The following NAV3 variants were observed in gnomAD, a reference collection of about 807,000 sequenced individuals.
NAV3 encodes the protein neuron navigator 3.
NAV3 carries 87 observed loss-of-function variants against 244.7 expected under a neutral mutation model. That is an observed-to-expected ratio of 0.36 (90% confidence interval 0.30 to 0.42). The LOEUF is 0.42. Among genes scored for constraint, NAV3 ranks in the 20% least tolerant of loss-of-function variants. The pLI, the probability that NAV3 is intolerant of heterozygous loss-of-function variation, is 1.00. For synonymous variants in NAV3, 1,126 were observed against 1,042.2 expected (o/e 1.08, Z -1.55); for missense variants, 2,663 against 2,893.3 (o/e 0.92, Z 1.83).
chr12:77,705,605 C>T (rs955777491), intron 2 of NAV3, among the ~76,000 whole-genome samples: 1 of 151,368 alleles, frequency 6.6e-6, no homozygotes, highest in Non-Finnish European at 1.5e-5. Flanking sequence ...GAGAAAAGGA[C>T]AAAATAAATA....
chr12:77,841,471 T>C (rs762225450), intron 1 of NAV3, among the ~76,000 whole-genome samples: 1 of 152,314 alleles, frequency 6.6e-6, no homozygotes, highest in East Asian at 1.9e-4. Context: ...CTATAACAGA[T>C]AAAACCTAGG....
chr12:77,901,677 G>T (rs1442601623), intron 1 of NAV3, among the ~76,000 whole-genome samples: 3 of 152,166 alleles, frequency 2.0e-5, no homozygotes, highest in African/African-American at 4.8e-5. Flanking sequence ...ACCACCGCCA[G>T]CCTGGGCAAC....
At chr12:77,726,834 A>G (rs1027352912) in intron 2 of NAV3, among the ~76,000 whole-genome samples, 8 of 151,926 alleles carry the variant, frequency 5.3e-5, no homozygotes, top group Admixed American at 5.3e-4. Context: ...AGTGGGACAA[A>G]CTGGCAGGGG....
chr12:77,972,281 A>G (rs1485813318), intron 5 of NAV3, among the ~76,000 whole-genome samples: 2 of 152,214 alleles, frequency 1.3e-5, no homozygotes, highest in African/African-American at 4.8e-5. Context: ...TCAGACTGCC[A>G]GGACCTGGAT....
Position 77,631,791 on chromosome 12 carries a change from G to A in NAV3, c.72+59525G>A, listed in dbSNP as rs149721788. Among the ~76,000 whole-genome samples the A allele has an allele frequency of 8.5e-5, 13 of 152,266 alleles. No homozygotes were observed. The East Asian group carries it at 2.1e-3, about 25-fold the overall frequency. On this transcript the variant is annotated intron_variant, in intron 2 of 8. Transcript: ENST00000550042. ...ACAATTCAGCTTCATAGAAGGGAGA[G>A]ACACTGGGGCACAGAGAGGTCAAGC...
intron 2 of NAV3, among the ~76,000 whole-genome samples, chr12:77,596,663 A>G (rs184808264): frequency 2.0e-5 from 3 of 152,308 alleles, no homozygotes; most frequent in Admixed American, 1.3e-4. Context: ...AAAGAACAAG[A>G]GAGAAAAACA....
chr12:78,194,085 G>T (rs1959098037), intron 34 of NAV3, among the ~76,000 whole-genome samples: 1 of 151,832 alleles, frequency 6.6e-6, no homozygotes, highest in Non-Finnish European at 1.5e-5. Flanking sequence ...GACTCTTGTG[G>T]CTTCAACTTG....
intron 2 of NAV3, among the ~76,000 whole-genome samples, chr12:77,617,601 G>A (rs1871191231): frequency 6.6e-6 from 1 of 152,184 alleles, no homozygotes; most frequent in African/African-American, 2.4e-5. Context: ...ATGATTTCAG[G>A]GCGGCCAAGC....
At chr12:78,036,566 C>T (rs544527570) in intron 9 of NAV3, 131 of 249,116 alleles carry the variant, frequency 5.3e-4, no homozygotes, top group African/African-American at 2.7e-3. Context: ...GACGGGCAAA[C>T]GTAGTTGGCT....
intron 2 of NAV3, among the ~76,000 whole-genome samples, chr12:77,669,610 A>G (rs999569172): frequency 6.6e-6 from 1 of 152,156 alleles, no homozygotes; most frequent in East Asian, 1.9e-4. Context: ...ACAAAGAGGG[A>G]TGTTTTATAA....
chr12:77,950,229 C>T lies in NAV3; in HGVS notation c.414+9096C>T, dbSNP rs185614976. 3.0e-4 allele frequency among the ~76,000 whole-genome samples: 45 copies of T among 152,088 alleles called. 1 individual carries two copies. The highest frequency in any genetic ancestry group is 6.8e-3 in the Middle Eastern group (2 of 294). ...ACATTTGTTTAGTTTTATAAGAAAC[C>T]ACCAAACTGTCTTCCAAAGTGTTTT... On this transcript the variant is annotated intron_variant, in intron 3 of 39. Transcript: ENST00000397909.
chr12:78,079,858 TA>T (rs1482887662), intron 12 of NAV3, among the ~76,000 whole-genome samples: 1 of 152,136 alleles, frequency 6.6e-6, no homozygotes, highest in Admixed American at 6.6e-5. Context: ...CGTAGGACAG[TA>T]AAGAAAGTGA....
At chr12:77,724,611 G>T (rs181998382) in intron 2 of NAV3, among the ~76,000 whole-genome samples, 1 of 151,564 alleles carries the variant, frequency 6.6e-6, no homozygotes, top group Admixed American at 6.6e-5. Context: ...CTTTGTACTA[G>T]TATTTTTCCA....
chr12:78,086,691 T>C (rs976063105), intron 12 of NAV3, among the ~76,000 whole-genome samples: 2 of 152,074 alleles, frequency 1.3e-5, no homozygotes, highest in African/African-American at 4.8e-5. Context: ...ACCTTGGAAG[T>C]TGGCTAGAAT....
At chr12:78,205,253 T>A in intron 39 of NAV3, 115 bp downstream of exon 39, 1 of 1,109,954 alleles carries the variant, frequency 9.0e-7, no homozygotes, top group South Asian at 1.6e-5. Context: ...TTGGAACAGT[T>A]TTAACCCTAT....
In NAV3 at chr12:77,796,784, G is replaced by T. The variant is rs143077225; in HGVS notation, c.73-143535G>T. On this transcript the variant is annotated intron_variant, in intron 2 of 8. Transcript: ENST00000550042. ...CGACTTTATACCAGCAAAAAGATTA[G>T]AACTTGCTGAAGGCTCATATGACTG... is the stretch of plus-strand genomic sequence containing the variant. Among the ~76,000 whole-genome samples the T allele has an allele frequency of 5.9e-5, 9 of 152,080 alleles. No individual in the cohort carries two copies. The East Asian group carries it at 1.7e-3, about 29-fold the overall frequency.
At chr12:77,651,343 T>C (rs1872812764) in intron 2 of NAV3, among the ~76,000 whole-genome samples, 1 of 152,190 alleles carries the variant, frequency 6.6e-6, no homozygotes, top group Non-Finnish European at 1.5e-5. Context: ...TTCAGACTTA[T>C]TCTGACTGAT....
chr12:78,167,690 G>A (rs1029820827), intron 23 of NAV3, among the ~76,000 whole-genome samples: 5 of 151,118 alleles, frequency 3.3e-5, no homozygotes, highest in African/African-American at 1.2e-4. Flanking sequence ...CGATTCTTTG[G>A]CTTTCTGCCA....
At chr12:78,055,964 G>C (rs985845670) in intron 11 of NAV3, among the ~76,000 whole-genome samples, 3 of 152,114 alleles carry the variant, frequency 2.0e-5, no homozygotes, top group Non-Finnish European at 4.4e-5. Context: ...CAGACTTCTT[G>C]TTTCCTCTAT....
Sources: allele counts gnomAD v4.1 joint callset (sites outside exome capture counted in the v4.1 genomes callset), GRCh38; gene constraint gnomAD v4.1.1; transcripts MANE v1.5; gene names NCBI Gene and HGNC (gene_info 2026-07-23, HGNC 2026-07-21).